Variants in NAV2 observed in about 807,000 individuals in gnomAD.
NAV2 encodes the protein neuron navigator 2, also known as helicase, APC down-regulated 1.
NAV2 carries 54 observed loss-of-function variants against 223.2 expected under a neutral mutation model. The observed-to-expected ratio is 0.24, with a 90% CI of 0.19 to 0.30. The LOEUF (loss-of-function observed/expected upper bound fraction) is 0.30, where lower values mean the gene tolerates loss of function less well. Among genes scored for constraint, NAV2 ranks in the 10% least tolerant of loss-of-function variants. NAV2 has a pLI of 1.00. For synonymous variants in NAV2, 1,279 were observed against 1,239.3 expected, an observed-to-expected ratio of 1.03 and a Z score of -0.67; for missense variants, 2,806 against 3,147.5, an observed-to-expected ratio of 0.89 and a Z score of 2.60.
chr11:19,542,369 A>G (rs540852737), intron 1 of NAV2, among the ~76,000 whole-genome samples: 1 of 152,352 alleles, frequency 6.6e-6, no homozygotes, highest in South Asian at 2.1e-4. Flanking sequence ...AGAATGAGTG[A>G]AACAAGTCAT....
intron 7 of NAV2, among the ~76,000 whole-genome samples, chr11:19,935,339 A>G (rs11025330): frequency 0.17 from 25,114 of 152,196 alleles, 2,736 homozygotes; most frequent in East Asian, 0.37. Flanking sequence ...ACAGCTGTAC[A>G]CTCACACTCA....
intron 2 of NAV2, among the ~76,000 whole-genome samples, chr11:19,842,086 T>C (rs916104352): frequency 1.3e-5 from 2 of 152,212 alleles, no homozygotes; most frequent in Non-Finnish European, 2.9e-5. Context: ...ACGGCCTTTC[T>C]TGTGCTGCTG....
At position 19,679,201 on chromosome 11, in the gene NAV2, CG is replaced by C. The variant is rs1565161150; in HGVS notation, c.76-153280del. 2.6e-5 allele frequency among the ~76,000 whole-genome samples: 4 copies of C among 152,190 alleles called. No individual in the cohort carries two copies. In the East Asian group the frequency reaches 5.8e-4, roughly 22 times the overall value. ...ATCCAAACACTTTGGGAGGCTGAGGCGGGTGGATCACCTGACGTCAGGAGTT... is the reference window on the plus strand; with the variant it reads ...ATCCAAACACTTTGGGAGGCTGAGGCGGTGGATCACCTGACGTCAGGAGTT... On this transcript the variant is annotated intron_variant, in intron 1 of 37. Coordinates refer to the NAV2 transcript ENST00000360655.
At chr11:19,509,557 G>C (rs542686665) in intron 1 of NAV2, among the ~76,000 whole-genome samples, 1 of 152,190 alleles carries the variant, frequency 6.6e-6, no homozygotes, top group Admixed American at 6.5e-5. Flanking sequence ...TTCCCGCACC[G>C]ATGGTTGGGA....
intron 3 of NAV2, among the ~76,000 whole-genome samples, chr11:19,856,366 C>T (rs116910026): frequency 0.016 from 2,465 of 152,246 alleles, 16 homozygotes; most frequent in Middle Eastern, 0.054. Flanking sequence ...TTTCATAATT[C>T]CTAATTGGTT....
intron 1 of NAV2, among the ~76,000 whole-genome samples, chr11:19,383,788 C>T (rs528520636): frequency 2.4e-4 from 36 of 152,336 alleles, no homozygotes; most frequent in Admixed American, 1.8e-3. Context: ...GCTCAATAAG[C>T]GTTAAAGCTT....
intron 1 of NAV2, among the ~76,000 whole-genome samples, chr11:19,767,112 G>C (rs952881828): frequency 6.6e-6 from 1 of 152,230 alleles, no homozygotes; most frequent in Non-Finnish European, 1.5e-5. Flanking sequence ...CCAGGAACCA[G>C]GTCAGGGAAT....
chr11:20,107,713 G>A lies in NAV2; in HGVS notation c.6891G>A (p.Val2297=). The change falls in exon 36 of 38, where the codon GTG becomes GTA. Residue 2297 remains valine (V), a synonymous_variant. Transcript: ENST00000349880. Reference sequence around the variant, plus strand: ...CCATCGATGTGGACGGCTCGAGAGTGTGGTTCACCGACTTGTGGAACTATT... The same window carrying A: ...CCATCGATGTGGACGGCTCGAGAGTATGGTTCACCGACTTGTGGAACTATT... ...SCPIDVDGSR[V]WFTDLWNYSI... The A allele has an allele frequency of 6.2e-7, 1 of 1,614,200 alleles. No homozygotes were observed. Among genetic ancestry groups the A allele is most frequent in the African/African-American group, 1.3e-5 (1 of 75,042 alleles).
chr11:19,614,863 C>A (rs183139774), intron 1 of NAV2, among the ~76,000 whole-genome samples: 90 of 152,212 alleles, frequency 5.9e-4, no homozygotes, highest in African/African-American at 2.1e-3. Flanking sequence ...TTCTTTAATC[C>A]CTATGTGCCT....
At chr11:19,939,911 C>CTTT (rs11423145) in intron 8 of NAV2, 138 bp downstream of exon 8, 50 of 379,738 alleles carry the variant, frequency 1.3e-4, no homozygotes, top group South Asian at 3.2e-4. Flanking sequence ...AACTTTCTTT[C>CTTT]TTTTTTTTTT....
chr11:19,678,613 G>T, intron 1 of NAV2, among the ~76,000 whole-genome samples: 1 of 152,232 alleles, frequency 6.6e-6, no homozygotes, highest in East Asian at 1.9e-4. Context: ...GGAGCCCGCA[G>T]ATGGGAAGGC....
chr11:19,577,984 G>A (rs1297149185), intron 1 of NAV2, among the ~76,000 whole-genome samples: 1 of 152,224 alleles, frequency 6.6e-6, no homozygotes, highest in East Asian at 1.9e-4. Flanking sequence ...ATGCCTGCAA[G>A]GGGAGGAAAG....
intron 11 of NAV2, among the ~76,000 whole-genome samples, chr11:20,016,008 C>G (rs1351951933): frequency 6.6e-6 from 1 of 152,202 alleles, no homozygotes; most frequent in Non-Finnish European, 1.5e-5. Flanking sequence ...AGCAAATCAT[C>G]TAAATTCTCT....
At chr11:20,110,285 C>A (rs1037014550) in intron 36 of NAV2, among the ~76,000 whole-genome samples, 3 of 152,274 alleles carry the variant, frequency 2.0e-5, no homozygotes, top group Non-Finnish European at 2.9e-5. Flanking sequence ...GTCACTATGC[C>A]CCAAACTTGT....
chr11:19,687,563 T>C (rs937036599), intron 1 of NAV2, among the ~76,000 whole-genome samples: 4 of 152,206 alleles, frequency 2.6e-5, no homozygotes, highest in Non-Finnish European at 5.9e-5. Flanking sequence ...GAATATTCCC[T>C]GGAGCTATGG....
intron 1 of NAV2, among the ~76,000 whole-genome samples, chr11:19,475,351 A>C (rs2042084515): frequency 6.6e-6 from 1 of 152,238 alleles, no homozygotes; most frequent in African/African-American, 2.4e-5. Context: ...TGAAATCATG[A>C]AATGCAAATA....
chr11:19,493,658 G>C (rs748217709), intron 1 of NAV2, among the ~76,000 whole-genome samples: 1 of 152,118 alleles, frequency 6.6e-6, no homozygotes, highest in East Asian at 1.9e-4. Flanking sequence ...CCACCGGATG[G>C]AGCCTTAAGG....
At chr11:19,547,759 C>CA (rs776284363) in intron 1 of NAV2, among the ~76,000 whole-genome samples, 4 of 152,082 alleles carry the variant, frequency 2.6e-5, no homozygotes, top group Non-Finnish European at 4.4e-5. Flanking sequence ...ATAATAATGA[C>CA]AATGATAGTG....
chr11:19,364,141 T>G (rs1854123112), intron 1 of NAV2, among the ~76,000 whole-genome samples: 1 of 152,154 alleles, frequency 6.6e-6, no homozygotes, highest in South Asian at 2.1e-4. Flanking sequence ...CCTGAACCTT[T>G]CCAGAAGTCC....
Sources: gnomAD v4.1 joint callset for allele counts (sites outside exome capture counted in the v4.1 genomes callset) on GRCh38, gnomAD v4.1.1 for gene constraint, MANE v1.5 for transcripts, NCBI Gene and HGNC (gene_info 2026-07-23, HGNC 2026-07-21) for gene names.